WDPCP: variants seen among roughly 807,000 people sequenced by gnomAD.
WDPCP encodes the protein WD repeat containing planar cell polarity effector, also known as WD repeat-containing and planar cell polarity effector protein fritz homolog.
Under a neutral mutation model 93.1 loss-of-function variants are expected in WDPCP, and 71 were observed. That is an observed-to-expected ratio of 0.76 (90% confidence interval 0.63 to 0.93). The LOEUF (loss-of-function observed/expected upper bound fraction) is 0.93, where lower values mean the gene tolerates loss of function less well. WDPCP is among the 40% of genes least tolerant of loss of function. WDPCP has a pLI of 0.00. For missense variants in WDPCP, 844 were observed against 887.4 expected (o/e 0.95, Z 0.62); for synonymous variants, 315 against 315.0 (o/e 1.00, Z 0.00).
chr2:63,464,857 A>G (rs1361224163), intron 6 of WDPCP, among the ~76,000 whole-genome samples: 1 of 152,052 alleles, frequency 6.6e-6, no homozygotes, highest in African/African-American at 2.4e-5. Flanking sequence ...AACAGAAAGT[A>G]GAATGCTGGT....
intron 1 of WDPCP, among the ~76,000 whole-genome samples, chr2:63,516,456 C>T (rs921881770): frequency 6.6e-6 from 1 of 152,210 alleles, no homozygotes; most frequent in South Asian, 2.1e-4. Flanking sequence ...GCTGCTACAG[C>T]CCTCTGTGAG....
rs2289943 is a variant in WDPCP, at chr2:63,484,565, A to G, written c.384+39T>C. On this transcript the variant is annotated intron_variant, in intron 6 of 17. Coordinates refer to ENST00000272321, the MANE Select transcript of WDPCP (RefSeq NM_015910.7). ...CAATTACTACATAGTTTTCAGCTCC[A>G]TTGGTTAAACACTGCAAAGGCTTGT... 15 of 1,611,240 alleles carry G rather than the reference A, an allele frequency of 9.3e-6. No individual in the cohort carries two copies. In the East Asian group the frequency reaches 3.1e-4, roughly 34 times the overall value.
chr2:63,382,484 A>T (rs535070637), intron 10 of WDPCP, among the ~76,000 whole-genome samples: 1 of 152,080 alleles, frequency 6.6e-6, no homozygotes, highest in African/African-American at 2.4e-5. Context: ...GTAATTTTTT[A>T]AATCTTTTCA....
chr2:63,731,851 G>C (rs1669566239), intron 2 of WDPCP, among the ~76,000 whole-genome samples: 1 of 152,126 alleles, frequency 6.6e-6, no homozygotes, highest in Non-Finnish European at 1.5e-5. Flanking sequence ...GATAGAGAAA[G>C]GATAAGATAC....
upstream of WDPCP, among the ~76,000 whole-genome samples, chr2:63,592,676 C>A (rs1709223001): frequency 6.6e-6 from 1 of 152,210 alleles, no homozygotes; most frequent in Non-Finnish European, 1.5e-5. Context: ...AATAAAATAT[C>A]TTAAAAAATT....
At chr2:63,763,450 C>T (rs953496643) in intron 2 of WDPCP, among the ~76,000 whole-genome samples, 17 of 148,998 alleles carry the variant, frequency 1.1e-4, no homozygotes, top group Non-Finnish European at 1.8e-4. Flanking sequence ...TGCAGTGAGC[C>T]GAGATTGCGC....
At position 63,620,335 on chromosome 2, in the gene WDPCP, G is replaced by T. The variant is rs1304026332; in HGVS notation, n.488+30324C>A. 9.9e-5 allele frequency among the ~76,000 whole-genome samples: 15 copies of T among 152,198 alleles called. No homozygotes were observed. The South Asian group carries it at 2.1e-3, about 21-fold the overall frequency. ...TACCTGGGATGCTCAAGCTTGGTAG[G>T]GGGAGGGGCATCCACTATTACTGAG... On this transcript the variant is annotated intron_variant and non_coding_transcript_variant, in intron 3 of 4. Transcript: ENST00000467687.
At chr2:63,191,642 T>C (rs1249984468) in intron 14 of WDPCP, among the ~76,000 whole-genome samples, 2 of 152,142 alleles carry the variant, frequency 1.3e-5, no homozygotes, top group African/African-American at 2.4e-5. Flanking sequence ...CCCATTAAAC[T>C]CTATTATTTC....
Position 63,318,387 on chromosome 2 carries a change from A to G in WDPCP, c.1749-5076T>C, listed in dbSNP as rs545868247. 1.5e-4 allele frequency among the ~76,000 whole-genome samples: 23 copies of G among 152,334 alleles called. 1 individual carries two copies. The highest frequency in any genetic ancestry group is 3.6e-4 in the African/African-American group (15 of 41,574). ...TTCTCAAAGAACTTAAAACAGAACT[A>G]CTATTCAACCCAGCAATCCCATTAC... On this transcript the variant is annotated intron_variant, in intron 12 of 17. Coordinates refer to ENST00000272321, the MANE Select transcript of WDPCP (RefSeq NM_015910.7).
chr2:63,224,532 A>C (rs1416080654), intron 14 of WDPCP, among the ~76,000 whole-genome samples: 1 of 152,060 alleles, frequency 6.6e-6, no homozygotes, highest in African/African-American at 2.4e-5. Flanking sequence ...TGGTACATTT[A>C]GATAATGGAG....
rs552058715 is a variant in WDPCP, at chr2:63,484,730, C to T, written c.325-67G>A. On this transcript the variant is annotated intron_variant, in intron 5 of 17. Coordinates refer to ENST00000272321, the MANE Select transcript of WDPCP (RefSeq NM_015910.7). Reference sequence around the variant, plus strand: ...ACATTGTCATTATCAGTTAAAGTGCCTCTGATTTGCAAGCAAAAAAAGATC... The same window carrying T: ...ACATTGTCATTATCAGTTAAAGTGCTTCTGATTTGCAAGCAAAAAAAGATC... 1.4e-5 allele frequency: 22 copies of T among 1,595,338 alleles called. No homozygotes were observed. In the African/African-American group the frequency reaches 2.7e-4, roughly 19 times the overall value.
At chr2:63,331,242 C>T (rs1169585212) in intron 12 of WDPCP, among the ~76,000 whole-genome samples, 1 of 152,138 alleles carries the variant, frequency 6.6e-6, no homozygotes, top group Non-Finnish European at 1.5e-5. Flanking sequence ...CTTGGCCCAT[C>T]CCCTTTTTCC....
chr2:63,367,947 C>T lies in WDPCP; in HGVS notation c.1748+10439G>A, dbSNP rs1691047552. ...ATTTTTTTCAACTAATTCAACACTG[C>T]TGAGGCCCACAAACAATGTGATCTT... On this transcript the variant is annotated intron_variant, in intron 12 of 17. Transcript: ENST00000272321. Among the ~76,000 whole-genome samples the T allele has an allele frequency of 2.0e-5, 3 of 152,310 alleles. No homozygotes were observed. In the South Asian group the frequency reaches 6.2e-4, roughly 32 times the overall value.
intron 2 of WDPCP, among the ~76,000 whole-genome samples, chr2:63,809,304 C>A (rs552236077): frequency 1.4e-4 from 21 of 150,988 alleles, no homozygotes; most frequent in Admixed American, 1.2e-3. Context: ...TTCAGCCCCC[C>A]GCCCAGCCAG....
At chr2:63,569,360 G>A (rs185342518) in intron 1 of WDPCP, among the ~76,000 whole-genome samples, 36 of 152,260 alleles carry the variant, frequency 2.4e-4, no homozygotes, top group Non-Finnish European at 4.1e-4. Flanking sequence ...CAAAAGCACT[G>A]TTAATGTTCT....
At chr2:63,176,466 GT>G (rs940668107) in intron 14 of WDPCP, among the ~76,000 whole-genome samples, 2 of 152,080 alleles carry the variant, frequency 1.3e-5, no homozygotes, top group Non-Finnish European at 2.9e-5. Context: ...GCCCAGGCTG[GT>G]CTTGAACTCC....
intron 3 of WDPCP, among the ~76,000 whole-genome samples, chr2:63,637,695 C>G (rs866633693): frequency 2.0e-5 from 3 of 152,158 alleles, no homozygotes; most frequent in South Asian, 2.1e-4. Context: ...CTAAACATCA[C>G]TAACCATCAG....
At chr2:63,403,509 A>C (rs1289267943) in intron 10 of WDPCP, among the ~76,000 whole-genome samples, 3 of 152,242 alleles carry the variant, frequency 2.0e-5, no homozygotes, top group African/African-American at 4.8e-5. Context: ...CTATAAAAAT[A>C]CCTATCCTTT....
intron 14 of WDPCP, among the ~76,000 whole-genome samples, chr2:63,220,998 T>C (rs746111208): frequency 1.3e-5 from 2 of 152,226 alleles, no homozygotes; most frequent in Non-Finnish European, 2.9e-5. Flanking sequence ...GATAATGGCT[T>C]TCAGCTCCAT....
Sources: gnomAD v4.1 joint callset for allele counts (sites outside exome capture counted in the v4.1 genomes callset) on GRCh38, gnomAD v4.1.1 for gene constraint, MANE v1.5 for transcripts, NCBI Gene and HGNC (gene_info 2026-07-23, HGNC 2026-07-21) for gene names.